The following PHEX variants were observed in gnomAD, a reference collection of about 807,000 sequenced individuals.
The protein encoded by PHEX is phosphate regulating endopeptidase X-linked.
A neutral mutation model predicts 68.0 loss-of-function variants in PHEX; 16 were observed. The observed-to-expected ratio is 0.24, with a 90% confidence interval of 0.16 to 0.36. PHEX has a LOEUF of 0.36. Ranked by LOEUF, PHEX falls within the 10% of genes least tolerant of loss-of-function variation. The probability of loss-of-function intolerance (pLI) is 1.00; values close to 1 mark genes in which losing one functional copy is unlikely to be tolerated. For synonymous variants in PHEX, 208 were observed against 205.1 expected, an observed-to-expected ratio of 1.01 and a Z score of -0.12; for missense variants, 480 against 575.5, an observed-to-expected ratio of 0.83 and a Z score of 1.70.
intron 12 of PHEX, among the ~76,000 whole-genome samples, chrX:22,136,846 T>C (rs1028624726): frequency 3.6e-5 from 4 of 111,236 alleles, no homozygotes; most frequent in Non-Finnish European, 5.7e-5. Flanking sequence ...TCTGTCTCCC[T>C]GCCTTTTCCT....
intron 1 of PHEX, among the ~76,000 whole-genome samples, chrX:22,033,698 C>T (rs1283304000): frequency 9.0e-6 from 1 of 111,551 alleles, no homozygotes; most frequent in Non-Finnish European, 1.9e-5. Context: ...GGTTTTCCCC[C>T]AAGATTTGAA....
chrX:22,239,901 A>G (rs1025370350), intron 20 of PHEX, among the ~76,000 whole-genome samples: 1 of 111,464 alleles, frequency 9.0e-6, no homozygotes, highest in Non-Finnish European at 1.9e-5. Flanking sequence ...CACCGCAAAA[A>G]TATTCCTCGA....
chrX:22,203,700 C>T (rs977866434), intron 15 of PHEX, among the ~76,000 whole-genome samples: 4 of 111,296 alleles, frequency 3.6e-5, no homozygotes, highest in Admixed American at 1.9e-4. Flanking sequence ...GCATTCATCC[C>T]GGATTTTCTA....
At chrX:22,220,404 T>G (rs1206496609) in intron 17 of PHEX, among the ~76,000 whole-genome samples, 1 of 111,583 alleles carries the variant, frequency 9.0e-6, no homozygotes, top group East Asian at 2.8e-4. Context: ...TGTGGCTGAC[T>G]TGTAGTTATA....
chrX:22,167,219 T>C (rs778402373), intron 12 of PHEX, among the ~76,000 whole-genome samples: 32 of 111,323 alleles, frequency 2.9e-4, no homozygotes, highest in Non-Finnish European at 1.9e-5. Context: ...GGAACCTCCA[T>C]AGTGTTTTTC....
chrX:22,175,188 G>A (rs1164951356), intron 13 of PHEX, among the ~76,000 whole-genome samples: 1 of 111,822 alleles, frequency 8.9e-6, no homozygotes, highest in Non-Finnish European at 1.9e-5. Flanking sequence ...ACTTAATAAT[G>A]AAAACAATTT....
At chrX:22,221,127 G>A (rs1460804940) in intron 17 of PHEX, among the ~76,000 whole-genome samples, 1 of 111,742 alleles carries the variant, frequency 8.9e-6, no homozygotes, top group Non-Finnish European at 1.9e-5. Flanking sequence ...TCAGCTCCTG[G>A]CAACTTGGAG....
intron 20 of PHEX, among the ~76,000 whole-genome samples, chrX:22,234,818 C>CAAAAAAAAAAAAACCAGTGGGGTATCAA (rs1935907865): frequency 1.1e-5 from 1 of 87,490 alleles, no homozygotes; most frequent in Non-Finnish European, 2.2e-5. Flanking sequence ...AGTGGGGTAT[C>CAAAAAAAAAAAAACCAGTGGGGTATCAA]AAAAAAAAAA....
chrX:22,103,646 A>G (rs1930530052), intron 9 of PHEX, among the ~76,000 whole-genome samples: 1 of 112,146 alleles, frequency 8.9e-6, no homozygotes, highest in African/African-American at 3.2e-5. Context: ...CTTCCTGTTT[A>G]TGGCTGAGTA....
chrX:22,097,861 G>A (rs769979492), intron 8 of PHEX: 83 of 198,669 alleles, frequency 4.2e-4, no homozygotes, highest in African/African-American at 2.6e-3. Context: ...TCTGCCTCCC[G>A]GGTTCAAGTG....
chrX:22,165,982 A>G (rs1315687581), intron 12 of PHEX, among the ~76,000 whole-genome samples: 3 of 112,193 alleles, frequency 2.7e-5, no homozygotes, highest in Non-Finnish European at 3.8e-5. Flanking sequence ...CTTTATTTAT[A>G]AAAACAGGGG....
At chrX:22,045,921 T>A (rs1927508216) in intron 2 of PHEX, among the ~76,000 whole-genome samples, 1 of 112,602 alleles carries the variant, frequency 8.9e-6, no homozygotes, top group Admixed American at 9.4e-5. Context: ...AAATATAACT[T>A]TTAAATATTT....
intron 9 of PHEX, among the ~76,000 whole-genome samples, chrX:22,100,676 A>G (rs888604581): frequency 1.8e-5 from 2 of 111,714 alleles, no homozygotes; most frequent in Admixed American, 9.5e-5. Flanking sequence ...TAGAAAAAGC[A>G]TCTCTATCGT....
At position 22,033,032 on chromosome X, in the gene PHEX, G is replaced by T. The variant is rs1247237281; in HGVS notation, c.27G>T (p.Val9=). Residue 9 remains valine, a synonymous_variant, in exon 1 of 22, where the codon GTG becomes GTT. Coordinates refer to ENST00000379374, the MANE Select transcript of PHEX (RefSeq NM_000444.6). ...TGGAAGCAGAAACAGGGAGCAGCGTGGAGACTGGAAAGAAGGCCAACAGAG... is the reference window on the plus strand; with the variant it reads ...TGGAAGCAGAAACAGGGAGCAGCGTTGAGACTGGAAAGAAGGCCAACAGAG... MEAETGSS[V]ETGKKANRGT... is the part of the protein sequence containing the mutation. 8.3e-7 allele frequency: 1 copy of T among 1,208,877 alleles called. No individual in the cohort carries two copies. The highest frequency in any genetic ancestry group is 2.2e-5 in the Admixed American group (1 of 45,891).
At chrX:22,079,155 T>C (rs2147022694) in intron 5 of PHEX, among the ~76,000 whole-genome samples, 1 of 112,473 alleles carries the variant, frequency 8.9e-6, no homozygotes, top group South Asian at 3.7e-4. Flanking sequence ...TTTAAGTTTA[T>C]ACATTCTATT....
chrX:22,245,757 T>C (rs1298943288), intron 21 of PHEX, among the ~76,000 whole-genome samples: 4 of 111,889 alleles, frequency 3.6e-5, no homozygotes, highest in African/African-American at 1.3e-4. Context: ...CATTATCTTC[T>C]AGTTTTTGAA....
rs1051039009 is a variant in PHEX, at chrX:22,248,212, A to T, written c.*259A>T. 3 of 384,007 alleles carry T rather than the reference A, an allele frequency of 7.8e-6. No individual in the cohort carries two copies. Among genetic ancestry groups the T allele is most frequent in the Non-Finnish European group, 9.2e-6 (2 of 218,310 alleles). 31.6% of individuals were successfully genotyped at this position (384,007 alleles called of 1,213,427 possible). ...AATAAATCCCTAGGCTACTTTTGTT[A>T]AAATGCTATCTGCTAAATTGTTGCT... is the stretch of plus-strand genomic sequence containing the variant. On this transcript the variant is annotated 3_prime_UTR_variant, in exon 22 of 22. Transcript: ENST00000379374.
At chrX:22,208,997 G>A (rs1341031639) in intron 15 of PHEX, among the ~76,000 whole-genome samples, 1 of 112,029 alleles carries the variant, frequency 8.9e-6, no homozygotes, top group African/African-American at 3.2e-5. Context: ...ATACACAAAC[G>A]CTACAGTAAA....
Position 22,249,450 on chromosome X carries a change from AAAAAAATATATAT to A in PHEX, c.*1499_*1511del, listed in dbSNP as rs1246034844. ...GTGATTTGTGATTCTTTTAAAAAAAAAAAAAATATATATATATATATATATATATATATATATG... is the reference window on the plus strand; with the variant it reads ...GTGATTTGTGATTCTTTTAAAAAAAAATATATATATATATATATATATATG... On this transcript the variant is annotated 3_prime_UTR_variant, in exon 22 of 22. Coordinates refer to ENST00000379374, the MANE Select transcript of PHEX (RefSeq NM_000444.6). The A allele has an allele frequency of 1.4e-3, 56 of 40,845 alleles. No homozygotes were observed. Among genetic ancestry groups the A allele is most frequent in the African/African-American group, 5.7e-3 (53 of 9,265 alleles). 3.4% of individuals were successfully genotyped at this position (40,845 alleles called of 1,213,427 possible).
Sources: allele counts gnomAD v4.1 joint callset (sites outside exome capture counted in the v4.1 genomes callset), GRCh38; gene constraint gnomAD v4.1.1; transcripts MANE v1.5; gene names NCBI Gene and HGNC (gene_info 2026-07-23, HGNC 2026-07-21).